GLIS3: variants seen among roughly 807,000 people sequenced by gnomAD.
GLIS3 encodes the protein GLIS family zinc finger 3, also known as zinc finger protein GLIS3.
A neutral mutation model predicts 78.6 loss-of-function variants in GLIS3; 53 were observed. The ratio of observed to expected loss-of-function variants is 0.67; its 90% CI spans 0.54 to 0.85. The LOEUF is 0.85. Ranked by LOEUF, GLIS3 falls within the 40% of genes least tolerant of loss-of-function variation. The pLI is 0.00. For missense variants in GLIS3, 1,703 were observed against 1,231.1 expected, an observed-to-expected ratio of 1.38 and a Z score of -5.74; for synonymous variants, 684 against 509.9, an observed-to-expected ratio of 1.34 and a Z score of -4.60.
chr9:4,413,682 C>G, the GLIS3 span, among the ~76,000 whole-genome samples: 1 of 152,110 alleles, frequency 6.6e-6, no homozygotes, highest in Non-Finnish European at 1.5e-5. Flanking sequence ...CATTGCCACC[C>G]AGACGTTGCA....
At chr9:4,105,339 C>T (rs574555078) in intron 4 of GLIS3, among the ~76,000 whole-genome samples, 2 of 152,192 alleles carry the variant, frequency 1.3e-5, no homozygotes, top group East Asian at 1.9e-4. Flanking sequence ...TAATTTCACT[C>T]CCAGGCACAG....
chr9:4,288,578 G>A (rs950659006), intron 1 of GLIS3, among the ~76,000 whole-genome samples: 11 of 152,114 alleles, frequency 7.2e-5, no homozygotes, highest in African/African-American at 2.2e-4. Flanking sequence ...TACTTAGCAC[G>A]ATCATTAAAA....
the GLIS3 span, among the ~76,000 whole-genome samples, chr9:4,407,513 G>A: frequency 0.15 from 23,203 of 152,186 alleles, 2,150 homozygotes; most frequent in Middle Eastern, 0.22. Flanking sequence ...CGGGCGTGGT[G>A]GCGGGCGCCT....
the GLIS3 span, among the ~76,000 whole-genome samples, chr9:4,376,148 C>A: frequency 6.6e-6 from 1 of 152,058 alleles, no homozygotes; most frequent in Admixed American, 6.6e-5. Context: ...GTTTGGTGTG[C>A]GCTCCTTCAA....
At chr9:4,237,012 AG>A (rs1288088067) in intron 2 of GLIS3, among the ~76,000 whole-genome samples, 1 of 152,098 alleles carries the variant, frequency 6.6e-6, no homozygotes, top group Non-Finnish European at 1.5e-5. Flanking sequence ...TAGCTTCATT[AG>A]GCACATGTGG....
chr9:4,446,774 G>A, the GLIS3 span, among the ~76,000 whole-genome samples: 3 of 151,420 alleles, frequency 2.0e-5, no homozygotes, highest in Non-Finnish European at 4.4e-5. Context: ...GCCTCCCAAG[G>A]GGCTGGGATT....
chr9:4,081,323 T>C (rs1828538929), intron 4 of GLIS3: 1 of 152,244 alleles, frequency 6.6e-6, no homozygotes, highest in African/African-American at 2.4e-5. Flanking sequence ...CCCTGTCGCA[T>C]ATACTTACTG....
rs1386324895 is a variant in GLIS3, at chr9:3,991,587, A to C, written c.1711-54398T>G. Among the ~76,000 whole-genome samples, 38 of 150,744 alleles carry C rather than the reference A, an allele frequency of 2.5e-4. 1 individual carries two copies. The highest frequency in any genetic ancestry group is 2.3e-3 in the Admixed American group (35 of 15,148). Reference sequence around the variant, plus strand: ...AATCGATGGAACTATTGATACTTTCATTTTTGTTTTAATTATACTTTCATA... The same window carrying C: ...AATCGATGGAACTATTGATACTTTCCTTTTTGTTTTAATTATACTTTCATA... On this transcript the variant is annotated intron_variant, in intron 4 of 10. Coordinates refer to ENST00000381971, the MANE Select transcript of GLIS3 (RefSeq NM_001042413.2).
intron 4 of GLIS3, among the ~76,000 whole-genome samples, chr9:3,991,729 C>T (rs7025933): frequency 0.69 from 95,279 of 137,984 alleles, 32,558 homozygotes; most frequent in Admixed American, 0.73. Context: ...CTCACTCTGT[C>T]GCCCAGGCTG....
intron 2 of GLIS3, among the ~76,000 whole-genome samples, chr9:4,237,685 G>C (rs1246594563): frequency 6.6e-6 from 1 of 152,074 alleles, no homozygotes; most frequent in Non-Finnish European, 1.5e-5. Flanking sequence ...CTCACCACTT[G>C]ATTCACCCTC....
At chr9:3,930,924 G>T (rs1290592508) in intron 6 of GLIS3, among the ~76,000 whole-genome samples, 1 of 152,156 alleles carries the variant, frequency 6.6e-6, no homozygotes, top group East Asian at 1.9e-4. Flanking sequence ...TCTGCTGAAA[G>T]TAGTTAATAG....
chr9:4,161,148 T>G (rs1282644668), intron 2 of GLIS3, among the ~76,000 whole-genome samples: 1 of 151,370 alleles, frequency 6.6e-6, no homozygotes, highest in Non-Finnish European at 1.5e-5. Flanking sequence ...TCAGGCATGT[T>G]GGTAGTCCCG....
intron 2 of GLIS3, among the ~76,000 whole-genome samples, chr9:4,249,267 T>A (rs984961116): frequency 3.9e-5 from 6 of 152,214 alleles, no homozygotes; most frequent in Admixed American, 2.0e-4. Flanking sequence ...TGGAATGTCC[T>A]TCCCTTTGTT....
At position 4,102,797 on chromosome 9, in the gene GLIS3, G is replaced by C. The variant is rs376529741; in HGVS notation, c.1710+14971C>G. 6.6e-5 allele frequency among the ~76,000 whole-genome samples: 10 copies of C among 151,814 alleles called. No homozygotes were observed. In the East Asian group the frequency reaches 1.5e-3, roughly 23 times the overall value. ...AGCACTGGATATGCTTTTTTTCGTA[G>C]TCAGTGGATGGAAAACACACACAAA... On this transcript the variant is annotated intron_variant, in intron 4 of 10. Transcript: ENST00000381971.
At chr9:3,909,154 T>C (rs907717162) in intron 6 of GLIS3, among the ~76,000 whole-genome samples, 1 of 152,176 alleles carries the variant, frequency 6.6e-6, no homozygotes, top group African/African-American at 2.4e-5. Flanking sequence ...AGGGTTAAGG[T>C]TTATTACTAG....
chr9:4,197,091 A>G (rs4741913), intron 2 of GLIS3, among the ~76,000 whole-genome samples: 34 of 151,992 alleles, frequency 2.2e-4, no homozygotes, highest in Middle Eastern at 3.4e-3. Context: ...CTCCTAGCCT[A>G]TATCAGCAGC....
At chr9:3,836,877 A>G (rs905855309) in intron 9 of GLIS3, among the ~76,000 whole-genome samples, 2 of 152,078 alleles carry the variant, frequency 1.3e-5, no homozygotes, top group Non-Finnish European at 2.9e-5. Flanking sequence ...CCTCTCTGTG[A>G]CCCTATGTTA....
chr9:4,052,828 G>A (rs4740747), intron 4 of GLIS3, among the ~76,000 whole-genome samples: 1 of 151,968 alleles, frequency 6.6e-6, no homozygotes, highest in African/African-American at 2.4e-5. Flanking sequence ...AATTATTTTA[G>A]GTATATATAC....
chr9:3,835,367 C>T (rs1818286383), intron 9 of GLIS3, among the ~76,000 whole-genome samples: 1 of 152,206 alleles, frequency 6.6e-6, no homozygotes, highest in East Asian at 1.9e-4. Context: ...GAATTTCCCC[C>T]TCCAGAGTGT....
Sources: allele counts gnomAD v4.1 joint callset (sites outside exome capture counted in the v4.1 genomes callset), GRCh38; gene constraint gnomAD v4.1.1; transcripts MANE v1.5; gene names NCBI Gene and HGNC (gene_info 2026-07-23, HGNC 2026-07-21).